Variants in L3MBTL3 observed in about 807,000 individuals in gnomAD.
The protein encoded by L3MBTL3 is L3MBTL histone methyl-lysine binding protein 3.
In L3MBTL3, 27 loss-of-function variants were observed where a neutral mutation model predicts 102.3. The observed-to-expected ratio is 0.26, with a 90% CI of 0.19 to 0.36. The LOEUF is 0.36. Ranked by LOEUF, L3MBTL3 falls within the 10% of genes least tolerant of loss-of-function variation. The pLI is 1.00. For synonymous variants in L3MBTL3, 340 were observed against 320.9 expected (o/e 1.06, Z -0.64); for missense variants, 798 against 955.3 (o/e 0.84, Z 2.17).
intron 2 of L3MBTL3, among the ~76,000 whole-genome samples, chr6:130,023,544 A>C (rs1584264818): frequency 6.6e-6 from 1 of 152,202 alleles, no homozygotes; most frequent in African/African-American, 2.4e-5. Flanking sequence ...AATAGGAATC[A>C]GAAGACTAAA....
intron 3 of L3MBTL3, among the ~76,000 whole-genome samples, chr6:130,049,033 G>C (rs1411053345): frequency 1.3e-5 from 2 of 151,916 alleles, no homozygotes; most frequent in Non-Finnish European, 2.9e-5. Flanking sequence ...CTATAGGACA[G>C]GGCAGAGCAG....
chr6:130,097,764 A>C (rs1784444722), intron 18 of L3MBTL3, among the ~76,000 whole-genome samples: 1 of 152,108 alleles, frequency 6.6e-6, no homozygotes. Flanking sequence ...AAGGAAATAA[A>C]GTTATATAAA....
intron 18 of L3MBTL3, among the ~76,000 whole-genome samples, chr6:130,099,856 G>C (rs142558877): frequency 6.6e-6 from 1 of 152,260 alleles, no homozygotes; most frequent in East Asian, 1.9e-4. Context: ...AGAATAGTGT[G>C]ATAAGTAAAG....
chr6:130,129,153 G>A (rs916241543), intron 20 of L3MBTL3, among the ~76,000 whole-genome samples: 5 of 152,068 alleles, frequency 3.3e-5, no homozygotes, highest in Non-Finnish European at 7.3e-5. Flanking sequence ...CTTCAAATTT[G>A]GCACACAAAA....
chr6:130,120,566 T>C (rs1786085026), intron 19 of L3MBTL3, among the ~76,000 whole-genome samples: 1 of 152,250 alleles, frequency 6.6e-6, no homozygotes, highest in South Asian at 2.1e-4. Flanking sequence ...ACTGTGTAAG[T>C]AAAATTCCAC....
intron 18 of L3MBTL3, among the ~76,000 whole-genome samples, chr6:130,098,831 G>C (rs776548186): frequency 1.0e-4 from 15 of 150,594 alleles, no homozygotes; most frequent in Non-Finnish European, 1.2e-4. Context: ...GCAATGCACA[G>C]TGGCCTGATA....
chr6:130,141,181 C>G lies in L3MBTL3; in HGVS notation c.*1428C>G, dbSNP rs962679580. 1.3e-5 allele frequency: 2 copies of G among 152,148 alleles called. No individual in the cohort carries two copies. Among genetic ancestry groups the G allele is most frequent in the South Asian group, 2.1e-4 (1 of 4,830 alleles). 9.4% of individuals were successfully genotyped at this position (152,148 alleles called of 1,614,324 possible). On this transcript the variant is annotated 3_prime_UTR_variant, in exon 23 of 23. Transcript: ENST00000361794. The stretch of plus-strand genomic sequence containing the variant: ...AATTCTGGGGTAAGTTCCACCTCTT[C>G]TTTAGTTGCTTTCGTTTTTTATGAT...
At chr6:130,080,728 C>T (rs562786656) in intron 14 of L3MBTL3, among the ~76,000 whole-genome samples, 33 of 152,028 alleles carry the variant, frequency 2.2e-4, no homozygotes, top group African/African-American at 7.2e-4. Context: ...ATACCAAATA[C>T]ACAACAATAT....
intron 19 of L3MBTL3, among the ~76,000 whole-genome samples, chr6:130,117,574 G>C (rs1785800977): frequency 6.6e-6 from 1 of 152,168 alleles, no homozygotes; most frequent in African/African-American, 2.4e-5. Flanking sequence ...TGAAATTCTA[G>C]AACAAGGATT....
intron 19 of L3MBTL3, among the ~76,000 whole-genome samples, chr6:130,110,113 G>A (rs922237305): frequency 1.3e-5 from 2 of 152,168 alleles, no homozygotes; most frequent in Non-Finnish European, 2.9e-5. Context: ...TTGTAGTATA[G>A]TTTGAAGTCA....
At chr6:130,057,830 T>C (rs771739952) in intron 9 of L3MBTL3, among the ~76,000 whole-genome samples, 3 of 152,284 alleles carry the variant, frequency 2.0e-5, no homozygotes, top group Non-Finnish European at 4.4e-5. Flanking sequence ...CATGTCAACA[T>C]TGTGGCTTTG....
At chr6:130,116,887 A>G (rs1785722568) in intron 19 of L3MBTL3, among the ~76,000 whole-genome samples, 2 of 151,946 alleles carry the variant, frequency 1.3e-5, no homozygotes, top group South Asian at 4.2e-4. Flanking sequence ...TGGTATTAAA[A>G]TATAGCATGA....
At chr6:130,065,315 A>G (rs959894675) in intron 10 of L3MBTL3, among the ~76,000 whole-genome samples, 5 of 152,150 alleles carry the variant, frequency 3.3e-5, no homozygotes, top group Non-Finnish European at 7.3e-5. Context: ...GTGTATATTA[A>G]TGTATGTATA....
At chr6:130,018,839 C>T (rs1317013772) in intron 1 of L3MBTL3, among the ~76,000 whole-genome samples, 175 bp downstream of exon 1, 1 of 152,116 alleles carries the variant, frequency 6.6e-6, no homozygotes, top group Non-Finnish European at 1.5e-5. Flanking sequence ...AGGGGTTTCT[C>T]CCCCACTTCT....
chr6:130,132,388 G>C (rs776068352), intron 20 of L3MBTL3, among the ~76,000 whole-genome samples: 2 of 152,202 alleles, frequency 1.3e-5, no homozygotes, highest in Admixed American at 6.5e-5. Context: ...TTTGTTTTCA[G>C]TCAGGGTGTT....
At chr6:130,053,634 C>CA (rs1036611505) in intron 7 of L3MBTL3, among the ~76,000 whole-genome samples, 3,311 of 58,668 alleles carry the variant, frequency 0.056, 117 homozygotes, top group East Asian at 0.16. Context: ...GACTGTGTCT[C>CA]AAAAAAAAAA....
chr6:130,109,175 A>G (rs7747439), intron 19 of L3MBTL3, among the ~76,000 whole-genome samples: 77,049 of 152,018 alleles, frequency 0.51, 20,705 homozygotes, highest in African/African-American at 0.67. Context: ...ATATGTGTTC[A>G]TGTGTCTTTA....
intron 9 of L3MBTL3, among the ~76,000 whole-genome samples, chr6:130,058,502 G>C (rs1002674563): frequency 1.3e-5 from 2 of 151,924 alleles, no homozygotes. Context: ...AAAATATAGC[G>C]GAGTGTGGTG....
intron 19 of L3MBTL3, among the ~76,000 whole-genome samples, chr6:130,118,494 T>C (rs1023702987): frequency 6.6e-6 from 1 of 152,204 alleles, no homozygotes; most frequent in African/African-American, 2.4e-5. Flanking sequence ...TAAGAGACTG[T>C]GCAGATTGAC....
Sources: gnomAD v4.1 joint callset for allele counts (sites outside exome capture counted in the v4.1 genomes callset) on GRCh38, gnomAD v4.1.1 for gene constraint, MANE v1.5 for transcripts, NCBI Gene and HGNC (gene_info 2026-07-23, HGNC 2026-07-21) for gene names.